Variants in TMEM247 observed in about 807,000 individuals in gnomAD.
The protein encoded by TMEM247 is transmembrane protein 247, also known as transmembrane protein ENSP00000343375.
A neutral mutation model predicts 20.7 loss-of-function variants in TMEM247; 23 were observed. That is an observed-to-expected ratio of 1.11 (90% CI 0.80 to 1.57). The LOEUF is 1.57. TMEM247 is among the 40% of genes most tolerant of loss of function. TMEM247 has a pLI of 0.00. For missense variants in TMEM247, 354 were observed against 283.8 expected, an observed-to-expected ratio of 1.25 and a Z score of -1.78; for synonymous variants, 106 against 111.9, an observed-to-expected ratio of 0.95 and a Z score of 0.33.
chr2:46,480,305 C>T (rs1686853727), intron 1 of TMEM247, 100 bp from the exon 2 acceptor site: 1 of 1,288,182 alleles, frequency 7.8e-7, no homozygotes, highest in Non-Finnish European at 1.0e-6. Context: ...TCAAACACCC[C>T]AGTCCACTGC....
At chr2:46,480,856 C>T in intron 2 of TMEM247, 92 bp downstream of exon 2, 5 of 1,418,934 alleles carry the variant, frequency 3.5e-6, no homozygotes, top group Non-Finnish European at 4.6e-6. Flanking sequence ...CCCTGCTTTG[C>T]GCGGCACCCC....
chr2:46,484,370 T>C (rs372769755), exon 3 of TMEM247: 23 of 1,552,294 alleles, frequency 1.5e-5, no homozygotes, highest in Non-Finnish European at 2.0e-5. Context: ...CGCCAAGCAC[T>C]ACCTATTCTG....
At chr2:46,481,288 C>T (rs1049969030) in intron 2 of TMEM247, among the ~76,000 whole-genome samples, 62 of 152,174 alleles carry the variant, frequency 4.1e-4, no homozygotes, top group African/African-American at 1.4e-3. Context: ...GATCATACTG[C>T]CTTCTAGTCA....
intron 2 of TMEM247, among the ~76,000 whole-genome samples, chr2:46,482,493 T>A (rs145988036): frequency 3.3e-5 from 5 of 152,376 alleles, no homozygotes; most frequent in African/African-American, 1.2e-4. Context: ...TGAAAATCTT[T>A]CTCCTTGCTG....
At chr2:46,484,019 G>A (rs1011600080) in intron 2 of TMEM247, among the ~76,000 whole-genome samples, 2 of 152,076 alleles carry the variant, frequency 1.3e-5, no homozygotes, top group African/African-American at 4.8e-5. Flanking sequence ...TCAAACTCCT[G>A]GCTTCAAGCA....
At chr2:46,483,875 AC>A (rs1368291003) in intron 2 of TMEM247, among the ~76,000 whole-genome samples, 1 of 152,008 alleles carries the variant, frequency 6.6e-6, no homozygotes, top group Non-Finnish European at 1.5e-5. Flanking sequence ...ATAACCCCGA[AC>A]TCTTGGGCTC....
rs1017154939 is a variant in TMEM247, at chr2:46,480,774, A to G, written c.477+10A>G. The G allele has an allele frequency of 5.8e-5, 69 of 1,199,444 alleles. No homozygotes were observed. The highest frequency in any genetic ancestry group is 6.9e-5 in the Non-Finnish European group (66 of 950,166). 74.3% of individuals were successfully genotyped at this position (1,199,444 alleles called of 1,614,324 possible). A position where few individuals can be genotyped will look rare whatever the true frequency, so the allele number is the denominator to read the frequency against. ...GGCGGCGCCCCGCCTGGTGGGTGAC[A>G]AGGAACGGGGCACTGGGAGGAGGGA... On this transcript the variant is annotated intron_variant, in intron 2 of 2. Transcript: ENST00000434431.
At chr2:46,479,629 G>A (rs1686839370) in exon 1 of TMEM247, 2 of 1,551,774 alleles carry the variant, frequency 1.3e-6, no homozygotes, top group African/African-American at 1.4e-5. Flanking sequence ...CGGGGTGCGG[G>A]AGAAAGTTGC....
chr2:46,479,674 A>C, exon 1 of TMEM247: 1 of 1,551,734 alleles, frequency 6.4e-7, no homozygotes. Flanking sequence ...GGTGACTCCA[A>C]GTCTGAAGGG....
At chr2:46,481,419 C>G (rs977154669) in intron 2 of TMEM247, among the ~76,000 whole-genome samples, 1 of 152,222 alleles carries the variant, frequency 6.6e-6, no homozygotes, top group Non-Finnish European at 1.5e-5. Flanking sequence ...AGTGGCTAGG[C>G]TATCATAAGC....
Position 46,480,790 on chromosome 2 carries a change from G to A in TMEM247, c.477+26G>A, listed in dbSNP as rs1686872514. ...GTGGGTGACAAGGAACGGGGCACTG[G>A]GAGGAGGGAGGCCTGGAGCTGAAGT... On this transcript the variant is annotated intron_variant, in intron 2 of 2. Transcript: ENST00000434431. 4.5e-6 allele frequency: 6 copies of A among 1,319,036 alleles called. No individual in the cohort carries two copies. The Admixed American group carries it at 1.3e-4, about 29-fold the overall frequency. The allele number at this position is 1,319,036 out of a possible 1,614,324, so 81.7% of individuals were successfully genotyped here.
chr2:46,483,936 G>A (rs572379495), intron 2 of TMEM247, among the ~76,000 whole-genome samples: 70 of 152,138 alleles, frequency 4.6e-4, no homozygotes, highest in African/African-American at 1.3e-3. Flanking sequence ...ATAGGCACAC[G>A]CCACCAGATT....
exon 2 of TMEM247, chr2:46,480,441 T>G: frequency 6.4e-7 from 1 of 1,551,192 alleles, no homozygotes. Context: ...CTCCTATGAC[T>G]ACTTGGAAGA....
chr2:46,480,289 T>C, intron 1 of TMEM247, 116 bp from the exon 2 acceptor site: 1 of 1,195,630 alleles, frequency 8.4e-7, no homozygotes, highest in South Asian at 1.6e-5. Context: ...CCTAGATCTT[T>C]ACAATTCAAA....
In TMEM247 at chr2:46,482,088, T is replaced by C. The variant is rs544401021; in HGVS notation, c.477+1324T>C. Among the ~76,000 whole-genome samples the C allele has an allele frequency of 2.0e-5, 3 of 152,324 alleles. No homozygotes were observed. The East Asian group carries it at 5.8e-4, about 29-fold the overall frequency. On this transcript the variant is annotated intron_variant, in intron 2 of 2. Transcript: ENST00000434431. Reference sequence around the variant, plus strand: ...TTTCTGTTTTTTTAAGAAAGTAAGGTTGGTTTTGCATCATTTGTTCTCAAT... The same window carrying C: ...TTTCTGTTTTTTTAAGAAAGTAAGGCTGGTTTTGCATCATTTGTTCTCAAT...
At chr2:46,480,294 T>A in intron 1 of TMEM247, 111 bp from the exon 2 acceptor site, 1 of 1,236,804 alleles carries the variant, frequency 8.1e-7, no homozygotes, top group Non-Finnish European at 1.1e-6. Flanking sequence ...ATCTTTACAA[T>A]TCAAACACCC....
exon 1 of TMEM247, chr2:46,479,671 C>G: frequency 6.4e-7 from 1 of 1,551,762 alleles, no homozygotes; most frequent in Non-Finnish European, 8.7e-7. Flanking sequence ...CCTGGTGACT[C>G]CAAGTCTGAA....
chr2:46,479,643 A>C, exon 1 of TMEM247: 1 of 1,551,652 alleles, frequency 6.4e-7, no homozygotes, highest in Non-Finnish European at 8.7e-7. Flanking sequence ...AAGTTGCCCG[A>C]CCTTCCCCAA....
At chr2:46,480,171 T>G (rs1686850751) in intron 1 of TMEM247, among the ~76,000 whole-genome samples, 1 of 151,624 alleles carries the variant, frequency 6.6e-6, no homozygotes, top group Admixed American at 6.6e-5. Flanking sequence ...CAACTCCCAG[T>G]GCCTCCACTT....
Sources: allele counts gnomAD v4.1 joint callset (sites outside exome capture counted in the v4.1 genomes callset), GRCh38; gene constraint gnomAD v4.1.1; transcripts MANE v1.5; gene names NCBI Gene and HGNC (gene_info 2026-07-23, HGNC 2026-07-21).